TANC2: variants seen among roughly 807,000 people sequenced by gnomAD.
TANC2 encodes tetratricopeptide repeat, ankyrin repeat and coiled-coil containing 2.
TANC2 carries 26 observed loss-of-function variants against 210.5 expected under a neutral mutation model. That is an observed-to-expected ratio of 0.12 (90% CI 0.09 to 0.17). The LOEUF is 0.17. Ranked by LOEUF, TANC2 falls within the 10% of genes least tolerant of loss-of-function variation. TANC2 has a pLI of 1.00. For synonymous variants in TANC2, 931 were observed against 967.1 expected (o/e 0.96, Z 0.69); for missense variants, 2,129 against 2,608.9 (o/e 0.82, Z 4.01).
rs371281397 is a variant in TANC2 at position 63,063,674 on chromosome 17, T to TTGTGTGTGTGTGTGTGTGTGTGTG, written c.68-10267_68-10244dup. On this transcript the variant is annotated intron_variant, in intron 2 of 27. Coordinates refer to ENST00000689528, the Ensembl canonical transcript of TANC2. Reference sequence around the variant, plus strand: ...CAATATCACACTTTGTTACCCAGTATTGTGTGTGTGTGTGTGTGTGTGTGT... The same window carrying TTGTGTGTGTGTGTGTGTGTGTGTG: ...CAATATCACACTTTGTTACCCAGTATTGTGTGTGTGTGTGTGTGTGTGTGTGTGTGTGTGTGTGTGTGTGTGTGT... Among the ~76,000 whole-genome samples, 350 of 137,468 alleles carry TTGTGTGTGTGTGTGTGTGTGTGTG rather than the reference T, an allele frequency of 2.5e-3. 1 individual carries two copies. The highest frequency in any genetic ancestry group is 4.5e-3 in the Admixed American group (62 of 13,910). The allele number at this position is 137,468 out of a possible 152,430, so 90.2% of individuals were successfully genotyped here.
At chr17:63,040,966 TATA>T (rs1468486713) in intron 2 of TANC2, among the ~76,000 whole-genome samples, 1 of 152,218 alleles carries the variant, frequency 6.6e-6, no homozygotes, top group African/African-American at 2.4e-5. Context: ...CTTAGAAATG[TATA>T]ATGTTTTATT....
chr17:63,271,966 T>C (rs2043724867), intron 9 of TANC2, among the ~76,000 whole-genome samples: 1 of 152,178 alleles, frequency 6.6e-6, no homozygotes, highest in South Asian at 2.1e-4. Context: ...GGATCCTGTT[T>C]GTCAATTTTT....
At chr17:63,339,135 G>T (rs1389601574) in intron 11 of TANC2, 1 of 152,262 alleles carries the variant, frequency 6.6e-6, no homozygotes, top group East Asian at 1.9e-4. Context: ...GATAAAGATG[G>T]TGATGATAAA....
intron 11 of TANC2, among the ~76,000 whole-genome samples, chr17:63,328,995 C>G (rs1269906173): frequency 6.6e-6 from 1 of 152,088 alleles, no homozygotes; most frequent in Non-Finnish European, 1.5e-5. Context: ...TCCACCTTCC[C>G]TTCTCCAACA....
intron 9 of TANC2, among the ~76,000 whole-genome samples, chr17:63,271,431 TTTTTC>T (rs2043700320): frequency 1.0e-5 from 1 of 100,178 alleles, no homozygotes; most frequent in Admixed American, 8.6e-5. Flanking sequence ...CACTGAGCTC[TTTTTC>T]TTTTTTTTTT....
intron 9 of TANC2, among the ~76,000 whole-genome samples, chr17:63,310,849 T>C (rs915720236): frequency 2.0e-5 from 3 of 152,240 alleles, no homozygotes; most frequent in Non-Finnish European, 4.4e-5. Context: ...GGATAATCTT[T>C]CTGGAGAGCA....
At chr17:63,362,510 TCATGCCGAGAGGCACCTG>T (rs1166062919) in intron 14 of TANC2, among the ~76,000 whole-genome samples, 4 of 152,064 alleles carry the variant, frequency 2.6e-5, no homozygotes, top group Non-Finnish European at 4.4e-5. Context: ...CCCAGGCTGT[TCATGCCGAGAGGCACCTG>T]CAGGCCGAGA....
intron 18 of TANC2, among the ~76,000 whole-genome samples, chr17:63,397,433 A>G (rs1444949031): frequency 6.6e-6 from 1 of 152,252 alleles, no homozygotes; most frequent in Non-Finnish European, 1.5e-5. Context: ...ATGGAGCTGC[A>G]TCCCAGTTTG....
At chr17:63,304,049 C>T (rs185946365) in intron 9 of TANC2, among the ~76,000 whole-genome samples, 134 of 152,094 alleles carry the variant, frequency 8.8e-4, no homozygotes, top group Non-Finnish European at 1.5e-3. Context: ...TTTAGCTCAG[C>T]GGAGTTTATT....
intron 8 of TANC2, among the ~76,000 whole-genome samples, chr17:63,257,418 C>T (rs781667822): frequency 2.1e-4 from 32 of 152,092 alleles, no homozygotes; most frequent in Non-Finnish European, 3.1e-4. Flanking sequence ...AGTGCAGTGG[C>T]GTGTTCTTAG....
chr17:63,205,585 C>CT (rs796832813), intron 7 of TANC2, among the ~76,000 whole-genome samples: 120 of 152,104 alleles, frequency 7.9e-4, no homozygotes, highest in African/African-American at 2.7e-3. Context: ...AAATTTAAAA[C>CT]TTTTGTGCAT....
At chr17:63,410,673 C>T (rs902801899) in intron 21 of TANC2, among the ~76,000 whole-genome samples, 2 of 151,748 alleles carry the variant, frequency 1.3e-5, no homozygotes, top group Non-Finnish European at 2.9e-5. Flanking sequence ...ACCAGCCTGG[C>T]CAACATGGTG....
chr17:63,011,045 C>T (rs544556806), intron 2 of TANC2, among the ~76,000 whole-genome samples: 1 of 152,236 alleles, frequency 6.6e-6, no homozygotes, highest in Non-Finnish European at 1.5e-5. Flanking sequence ...GTAAGGCTGA[C>T]TCTCATGGTA....
intron 14 of TANC2, among the ~76,000 whole-genome samples, chr17:63,379,303 C>A (rs2047527294): frequency 6.6e-6 from 1 of 152,140 alleles, no homozygotes. Flanking sequence ...CCCCAAAAAA[C>A]CAGTTGAATG....
intron 7 of TANC2, among the ~76,000 whole-genome samples, chr17:63,215,311 G>A (rs967308959): frequency 1.3e-5 from 2 of 152,098 alleles, no homozygotes; most frequent in East Asian, 1.9e-4. Context: ...TGACCTAATC[G>A]TCTTTTATTG....
chr17:63,050,599 C>T (rs1055788697), intron 2 of TANC2, among the ~76,000 whole-genome samples: 3 of 152,090 alleles, frequency 2.0e-5, no homozygotes, highest in Non-Finnish European at 4.4e-5. Context: ...AACAATAAGC[C>T]AAGGAGACAG....
At chr17:63,294,148 C>T (rs1355802150) in intron 9 of TANC2, among the ~76,000 whole-genome samples, 1 of 152,138 alleles carries the variant, frequency 6.6e-6, no homozygotes. Context: ...GAGATAGACA[C>T]AGTGATTAAA....
chr17:63,175,263 C>G (rs1461766058), intron 5 of TANC2, among the ~76,000 whole-genome samples: 1 of 152,092 alleles, frequency 6.6e-6, no homozygotes, highest in African/African-American at 2.4e-5. Flanking sequence ...ACCCTTACCT[C>G]ATACCATACA....
At chr17:63,023,246 A>C (rs1323230254) in intron 2 of TANC2, among the ~76,000 whole-genome samples, 1 of 152,234 alleles carries the variant, frequency 6.6e-6, no homozygotes, top group Non-Finnish European at 1.5e-5. Flanking sequence ...AGCCCAGCAA[A>C]GTCATGGGAG....
Sources: gnomAD v4.1 joint callset for allele counts (sites outside exome capture counted in the v4.1 genomes callset) on GRCh38, gnomAD v4.1.1 for gene constraint, MANE v1.5 for transcripts, NCBI Gene and HGNC (gene_info 2026-07-23, HGNC 2026-07-21) for gene names.